Variants in ANKRD36B observed in about 807,000 individuals in gnomAD.
ANKRD36B encodes the protein ankyrin repeat domain-containing protein 36B.
In ANKRD36B, 37 loss-of-function variants were observed where a neutral mutation model predicts 135.7. The ratio of observed to expected loss-of-function variants is 0.27; its 90% confidence interval spans 0.21 to 0.36. ANKRD36B has a LOEUF of 0.36. ANKRD36B is among the 10% of genes least tolerant of loss of function. The pLI is 1.00. For synonymous variants in ANKRD36B, 179 were observed against 348.1 expected, an observed-to-expected ratio of 0.51 and a Z score of 5.41; for missense variants, 549 against 1,037.1, an observed-to-expected ratio of 0.53 and a Z score of 6.46.
rs1345175691 is a variant in ANKRD36B, at chr2:97,526,653, T to C, written c.2266-3186A>G. On this transcript the variant is annotated intron_variant, in intron 35 of 43. Transcript: ENST00000359901. The stretch of plus-strand genomic sequence containing the variant: ...CCAAAGGCAAAGAAGTTAAAAACTT[T>C]GAAAAAAATTTAGATGAATGTATAC... 3.1e-5 allele frequency among the ~76,000 whole-genome samples: 3 copies of C among 96,450 alleles called. 1 individual carries two copies. Among genetic ancestry groups the C allele is most frequent in the African/African-American group, 9.3e-5 (3 of 32,088 alleles). 63.3% of individuals were successfully genotyped at this position (96,450 alleles called of 152,430 possible). A position where few individuals can be genotyped will look rare whatever the true frequency, so the allele number is the denominator to read the frequency against.
At chr2:97,587,320 T>C (rs2083079748) in intron 1 of ANKRD36B, among the ~76,000 whole-genome samples, 1 of 152,250 alleles carries the variant, frequency 6.6e-6, no homozygotes, top group South Asian at 2.1e-4. Context: ...TGATCATTTA[T>C]ACATCACAGA....
At chr2:97,567,063 T>C (rs913041993) in intron 6 of ANKRD36B, among the ~76,000 whole-genome samples, 5 of 151,998 alleles carry the variant, frequency 3.3e-5, no homozygotes, top group Admixed American at 6.6e-5. Flanking sequence ...TTTGGTTTGA[T>C]TAATTTACTA....
intron 6 of ANKRD36B, among the ~76,000 whole-genome samples, chr2:97,564,299 CT>C (rs1261988858): frequency 1.3e-5 from 2 of 152,112 alleles, no homozygotes; most frequent in Non-Finnish European, 2.9e-5. Context: ...GATAGCATGA[CT>C]ACTTACTTTC....
At position 97,493,950 on chromosome 2, in the gene ANKRD36B, T is replaced by C. The variant is rs1428764846; in HGVS notation, c.*7-1095A>G. On this transcript the variant is annotated intron_variant, in intron 43 of 43. Coordinates refer to ENST00000359901, the MANE Select transcript of ANKRD36B (RefSeq NM_001393939.1). ...TGGTGCAGTCACTTCTTGAAAGTTG[T>C]ATTCTATGTACCTCAACAGCATGGC... is the stretch of plus-strand genomic sequence containing the variant. Among the ~76,000 whole-genome samples the C allele has an allele frequency of 6.8e-5, 7 of 103,110 alleles. No homozygotes were observed. The East Asian group carries it at 1.5e-3, about 22-fold the overall frequency. The allele number at this position is 103,110 out of a possible 152,430, so 67.6% of individuals were successfully genotyped here. A position where few individuals can be genotyped will look rare whatever the true frequency, so the allele number is the denominator to read the frequency against.
At chr2:97,555,019 T>A (rs796107951) in intron 14 of ANKRD36B, 41 bp downstream of exon 14, 1 of 1,602,908 alleles carries the variant, frequency 6.2e-7, no homozygotes, top group Non-Finnish European at 8.5e-7. Context: ...TTCTTTTCTA[T>A]CTGGACTGAA....
At chr2:97,575,291 T>C (rs1456567117) in intron 6 of ANKRD36B, among the ~76,000 whole-genome samples, 3 of 151,702 alleles carry the variant, frequency 2.0e-5, no homozygotes, top group Non-Finnish European at 4.4e-5. Flanking sequence ...GACAGCTCAT[T>C]GAGATCGATG....
At chr2:97,579,102 T>C in intron 4 of ANKRD36B, 59 bp from the exon 5 acceptor site, 3 of 1,481,158 alleles carry the variant, frequency 2.0e-6, no homozygotes, top group Non-Finnish European at 2.7e-6. Flanking sequence ...TAAGTTTATA[T>C]ACTTTATCAA....
rs78445535 is a variant in ANKRD36B, at chr2:97,514,036, T to C, written c.2622-673A>G. ...TAAAACCAAGCTGCACCCCGACCACTTCGGGCACATGTTCTCAGGACCTCC... is the reference window on the plus strand; with the variant it reads ...TAAAACCAAGCTGCACCCCGACCACCTCGGGCACATGTTCTCAGGACCTCC... On this transcript the variant is annotated intron_variant, in intron 37 of 43. Coordinates refer to ENST00000359901, the MANE Select transcript of ANKRD36B (RefSeq NM_001393939.1). Among the ~76,000 whole-genome samples the C allele has an allele frequency of 5.1e-3, 632 of 124,182 alleles. 4 individuals carry two copies. The highest frequency in any genetic ancestry group is 0.021 in the East Asian group (89 of 4,156). 81.5% of individuals were successfully genotyped at this position (124,182 alleles called of 152,430 possible).
chr2:97,556,673 C>T (rs575368979), intron 12 of ANKRD36B, among the ~76,000 whole-genome samples: 1 of 151,826 alleles, frequency 6.6e-6, no homozygotes, highest in Non-Finnish European at 1.5e-5. Flanking sequence ...ATTATGCTGT[C>T]CCCTGATCCT....
chr2:97,555,003 G>C (rs1035233016), intron 14 of ANKRD36B, 57 bp downstream of exon 14: 2 of 1,580,886 alleles, frequency 1.3e-6, no homozygotes, highest in Non-Finnish European at 1.7e-6. Flanking sequence ...ATTTGGGGAA[G>C]AGAAGTTCTT....
In ANKRD36B at chr2:97,528,451, G is replaced by C. The variant is rs368404812; in HGVS notation, c.2265+3860C>G. ...CACTAAATGCCCACAAGAGAAAGCA[G>C]GAAAGATCCAAAATTGACACCCTAA... is the stretch of plus-strand genomic sequence containing the variant. On this transcript the variant is annotated intron_variant, in intron 35 of 43. Coordinates refer to ENST00000359901, the MANE Select transcript of ANKRD36B (RefSeq NM_001393939.1). Among the ~76,000 whole-genome samples the C allele has an allele frequency of 7.5e-5, 7 of 93,020 alleles. 3 individuals are homozygous for C. Among genetic ancestry groups the C allele is most frequent in the African/African-American group, 1.6e-4 (5 of 30,988 alleles). 61.0% of individuals were successfully genotyped at this position (93,020 alleles called of 152,430 possible). A position where few individuals can be genotyped will look rare whatever the true frequency, so the allele number is the denominator to read the frequency against.
At chr2:97,567,027 C>G (rs1363876053) in intron 6 of ANKRD36B, among the ~76,000 whole-genome samples, 3 of 151,796 alleles carry the variant, frequency 2.0e-5, no homozygotes, top group Admixed American at 2.0e-4. Context: ...AGTTGGACTT[C>G]AAGTTGGGTT....
intron 7 of ANKRD36B, 42 bp downstream of exon 7, chr2:97,560,790 T>G: frequency 1.3e-6 from 2 of 1,588,704 alleles, no homozygotes; most frequent in Non-Finnish European, 1.7e-6. Flanking sequence ...TTTCATAGAC[T>G]ATACAGTTAA....
chr2:97,550,820 C>T (rs2079981917), intron 18 of ANKRD36B, among the ~76,000 whole-genome samples: 1 of 151,824 alleles, frequency 6.6e-6, no homozygotes, highest in Non-Finnish European at 1.5e-5. Flanking sequence ...TTCCCACATT[C>T]CTGCCTCACA....
rs1044467224 is a variant in ANKRD36B, at chr2:97,539,931, G to A, written c.1987+103C>T. On this transcript the variant is annotated intron_variant, in intron 30 of 43. Transcript: ENST00000359901. ...TGAAGAATCTCAGGTCTGCAGAATCGGAATGTGCAGCTGCGACGAACCCCC... is the reference window on the plus strand; with the variant it reads ...TGAAGAATCTCAGGTCTGCAGAATCAGAATGTGCAGCTGCGACGAACCCCC... The A allele has an allele frequency of 1.6e-5, 8 of 500,420 alleles. 3 individuals are homozygous for A. Among genetic ancestry groups the A allele is most frequent in the Non-Finnish European group, 2.9e-5 (8 of 271,318 alleles). 31.0% of individuals were successfully genotyped at this position (500,420 alleles called of 1,614,324 possible).
At chr2:97,550,433 A>G (rs921444782) in intron 18 of ANKRD36B, among the ~76,000 whole-genome samples, 1 of 151,948 alleles carries the variant, frequency 6.6e-6, no homozygotes, top group African/African-American at 2.4e-5. Flanking sequence ...GGACTTAATT[A>G]GAATGCAACA....
In ANKRD36B at chr2:97,541,182, T is replaced by A. The variant is rs1004548909; in HGVS notation, c.1885+729A>T. On this transcript the variant is annotated intron_variant, in intron 28 of 43. Transcript: ENST00000359901. ...AACAACGAAGCCAATGTATTCATAT[T>A]CAAGTTTATCTCATTTTTATAACTA... Among the ~76,000 whole-genome samples the A allele has an allele frequency of 4.1e-5, 4 of 96,780 alleles. 2 individuals are homozygous for A. Among genetic ancestry groups the A allele is most frequent in the Non-Finnish European group, 1.1e-4 (4 of 36,200 alleles). 63.5% of individuals were successfully genotyped at this position (96,780 alleles called of 152,430 possible).
At chr2:97,575,923 C>A (rs1278412803) in intron 6 of ANKRD36B, among the ~76,000 whole-genome samples, 3 of 151,586 alleles carry the variant, frequency 2.0e-5, no homozygotes, top group Non-Finnish European at 2.9e-5. Flanking sequence ...TATAACATAC[C>A]AAATATGTAT....
chr2:97,580,093 T>G (rs2082525788), intron 4 of ANKRD36B, among the ~76,000 whole-genome samples: 1 of 152,240 alleles, frequency 6.6e-6, no homozygotes, highest in South Asian at 2.1e-4. Flanking sequence ...AAAACTAACA[T>G]GAAACCCCTT....
Sources: allele counts gnomAD v4.1 joint callset (sites outside exome capture counted in the v4.1 genomes callset), GRCh38; gene constraint gnomAD v4.1.1; transcripts MANE v1.5; gene names NCBI Gene and HGNC (gene_info 2026-07-23, HGNC 2026-07-21).